WDR89: variants seen among roughly 807,000 people sequenced by gnomAD.
WDR89 encodes WD repeat domain 89.
Under a neutral mutation model 29.1 loss-of-function variants are expected in WDR89, and 17 were observed. That is an observed-to-expected ratio of 0.58 (90% CI 0.40 to 0.88). The LOEUF is 0.88. WDR89 is among the 40% of genes least tolerant of loss of function. The pLI is 0.00. For synonymous variants in WDR89, 138 were observed against 157.8 expected (o/e 0.87, Z 0.94); for missense variants, 396 against 456.3 (o/e 0.87, Z 1.20).
At chr14:63,608,042 C>G (rs1881703720) in intron 2 of WDR89, among the ~76,000 whole-genome samples, 1 of 151,460 alleles carries the variant, frequency 6.6e-6, no homozygotes, top group African/African-American at 2.4e-5. Flanking sequence ...CCCATCTCTA[C>G]TAAGAATACA....
At chr14:63,616,534 T>A (rs1882316033) in intron 2 of WDR89, among the ~76,000 whole-genome samples, 1 of 151,954 alleles carries the variant, frequency 6.6e-6, no homozygotes, top group Non-Finnish European at 1.5e-5. Flanking sequence ...ACTTCCCCCA[T>A]GAGGTGACAT....
chr14:63,602,726 C>G (rs12881344), intron 2 of WDR89, among the ~76,000 whole-genome samples: 11 of 150,424 alleles, frequency 7.3e-5, no homozygotes, highest in African/African-American at 2.2e-4. Flanking sequence ...GAGCCGAGAT[C>G]GCGCCGTTGC....
intron 1 of WDR89, among the ~76,000 whole-genome samples, chr14:63,627,148 A>ACTCTCTCTCTCTCT (rs1216848834): frequency 7.8e-6 from 1 of 128,292 alleles, no homozygotes; most frequent in African/African-American, 3.0e-5. Flanking sequence ...ACACACACAC[A>ACTCTCTCTCTCTCT]CACTCTCTCT....
chr14:63,607,388 C>T (rs899431317), intron 2 of WDR89, among the ~76,000 whole-genome samples: 1 of 152,106 alleles, frequency 6.6e-6, no homozygotes. Context: ...TGGTCTCCAT[C>T]TCCTGACCTC....
chr14:63,602,469 A>AT (rs1895114653), intron 2 of WDR89, among the ~76,000 whole-genome samples: 1 of 149,508 alleles, frequency 6.7e-6, no homozygotes. Flanking sequence ...ACTCAAAAAA[A>AT]AAAAAAAAAA....
chr14:63,624,499 A>G (rs1423341591), intron 2 of WDR89, among the ~76,000 whole-genome samples: 1 of 144,578 alleles, frequency 6.9e-6, no homozygotes, highest in African/African-American at 2.9e-5. Flanking sequence ...ACAAAAAACA[A>G]AAAGAAATAT....
At chr14:63,601,350 A>C (rs1468518034) in intron 2 of WDR89, among the ~76,000 whole-genome samples, 1 of 151,310 alleles carries the variant, frequency 6.6e-6, no homozygotes, top group Non-Finnish European at 1.5e-5. Context: ...TTCTGGCTTC[A>C]GGCTTCACGG....
rs1288061617 is a variant in WDR89 at position 63,598,769 on chromosome 14, A to C, written c.*10T>G. ...TATAAAACCTACCAAACAAAGTGCC[A>C]AATGCATTATCACTGCTTTTTCCTT... On this transcript the variant is annotated 3_prime_UTR_variant, in exon 3 of 3. Coordinates refer to ENST00000620954, the MANE Select transcript of WDR89 (RefSeq NM_080666.4). 1 of 1,562,534 alleles carries C rather than the reference A, an allele frequency of 6.4e-7. No homozygotes were observed. The highest frequency in any genetic ancestry group is 1.4e-5 in the African/African-American group (1 of 73,222).
chr14:63,603,841 C>T (rs908300994), intron 2 of WDR89, among the ~76,000 whole-genome samples: 5 of 152,172 alleles, frequency 3.3e-5, no homozygotes, highest in Non-Finnish European at 5.9e-5. Context: ...CTGGGGTAGT[C>T]ACCTCCACAG....
chr14:63,626,632 T>C (rs1883071926), intron 1 of WDR89, among the ~76,000 whole-genome samples: 1 of 113,046 alleles, frequency 8.8e-6, no homozygotes, highest in Admixed American at 1.4e-4. Context: ...TGAGCCAAGA[T>C]CACACCACTG....
chr14:63,599,573 T>C lies in WDR89; in HGVS notation c.370A>G (p.Asn124Asp). Reference protein sequence around the residue: ...PSNIFISFDINCNDHIICAGT... With the variant: ...PSNIFISFDIDCNDHIICAGT... The stretch of plus-strand genomic sequence containing the variant: ...GCACAAATAATATGATCATTACAAT[T>C]AATATCAAAACTGATAAAAATATTG... Residue 124 changes from asparagine (N) to aspartate (D), a missense_variant, in exon 3 of 3, where the codon AAT (asparagine) becomes GAT (aspartate). Transcript: ENST00000620954. 6.2e-7 allele frequency: 1 copy of C among 1,614,160 alleles called. No individual in the cohort carries two copies. Among genetic ancestry groups the C allele is most frequent in the Non-Finnish European group, 8.5e-7 (1 of 1,180,006 alleles).
Position 63,599,822 on chromosome 14 carries a change from T to C in WDR89, c.121A>G (p.Asn41Asp). 1 of 1,614,138 alleles carries C rather than the reference T, an allele frequency of 6.2e-7. No homozygotes were observed. The highest frequency in any genetic ancestry group is 1.1e-5 in the South Asian group (1 of 91,078). The part of the protein sequence containing the change: ...TSKTVQAGKE[N>D]LVAVLCSNGS... Reference sequence around the variant, plus strand: ...TTAGAACATAAAACAGCAACCAAGTTTTCCTTTCCTGCTTGGACAGTCTTT... The same window carrying C: ...TTAGAACATAAAACAGCAACCAAGTCTTCCTTTCCTGCTTGGACAGTCTTT... Residue 41 changes from asparagine (N) to aspartate (D), a missense_variant, in exon 3 of 3, where the codon AAC becomes GAC. Transcript: ENST00000620954.
chr14:63,634,870 CAA>C (rs56714759), intron 1 of WDR89, among the ~76,000 whole-genome samples: 2,625 of 95,012 alleles, frequency 0.028, 74 homozygotes, highest in African/African-American at 0.084. Context: ...AACTACATCT[CAA>C]AAAAAAAAAA....
chr14:63,610,725 G>T (rs1881922334), intron 2 of WDR89, among the ~76,000 whole-genome samples: 1 of 139,714 alleles, frequency 7.2e-6, no homozygotes, highest in African/African-American at 2.7e-5. Context: ...TTTTTTGAGA[G>T]GGAGTCTCAC....
intron 1 of WDR89, among the ~76,000 whole-genome samples, chr14:63,639,711 C>A (rs943100080): frequency 6.6e-6 from 1 of 152,128 alleles, no homozygotes; most frequent in African/African-American, 2.4e-5. Context: ...AAATGTAGTT[C>A]TTTAAAGCAC....
In WDR89 at chr14:63,598,855, A is replaced by G. The variant is rs369959005; in HGVS notation, c.1088T>C (p.Met363Thr). 3 of 1,614,102 alleles carry G rather than the reference A, an allele frequency of 1.9e-6. No individual in the cohort carries two copies. Among genetic ancestry groups the G allele is most frequent in the South Asian group, 1.1e-5 (1 of 91,070 alleles). The change falls in exon 3 of 3, where the codon ATG (methionine) becomes ACG (threonine). Residue 363 changes from methionine to threonine, a missense_variant. Transcript: ENST00000620954. ...IEKTFTKKES[M>T]KIASSVHQRV... ...TTGGTGCACAGAGGATGCTATTTTC[A>G]TACTCTCTTTCTTTGTAAAGGTCTT...
intron 1 of WDR89, among the ~76,000 whole-genome samples, chr14:63,630,139 G>A (rs1193849342): frequency 6.6e-6 from 1 of 151,738 alleles, no homozygotes; most frequent in Non-Finnish European, 1.5e-5. Flanking sequence ...GTAGAGACGG[G>A]GTTTCCCCAT....
In WDR89 at chr14:63,603,924, C is replaced by T. The variant is rs139947439; in HGVS notation, c.-31-3951G>A. Among the ~76,000 whole-genome samples, 108 of 152,322 alleles carry T rather than the reference C, an allele frequency of 7.1e-4. 1 individual carries two copies. The East Asian group carries it at 0.012, about 16-fold the overall frequency. On this transcript the variant is annotated intron_variant, in intron 2 of 2. Coordinates refer to ENST00000620954, the MANE Select transcript of WDR89 (RefSeq NM_080666.4). ...AGACAAAATAGCCTTACCTTGAACA[C>T]GTCAGGCTTGCTCCTGCCTCAGGAC...
intron 2 of WDR89, among the ~76,000 whole-genome samples, chr14:63,606,317 G>A (rs1220955017): frequency 6.6e-6 from 1 of 152,100 alleles, no homozygotes; most frequent in Non-Finnish European, 1.5e-5. Context: ...AATTAAAGTA[G>A]AAATAGGCTT....
Sources: gnomAD v4.1 joint callset for allele counts (sites outside exome capture counted in the v4.1 genomes callset) on GRCh38, gnomAD v4.1.1 for gene constraint, MANE v1.5 for transcripts, NCBI Gene and HGNC (gene_info 2026-07-23, HGNC 2026-07-21) for gene names.